The following CDH8 variants were observed in gnomAD, a reference collection of about 807,000 sequenced individuals.
The protein encoded by CDH8 is cadherin-8.
CDH8 carries 17 observed loss-of-function variants against 68.1 expected under a neutral mutation model. The ratio of observed to expected loss-of-function variants is 0.25; its 90% CI spans 0.17 to 0.37. The LOEUF (loss-of-function observed/expected upper bound fraction) is 0.37. CDH8 is among the 10% of genes least tolerant of loss of function. The pLI is 1.00. For missense variants in CDH8, 763 were observed against 999.3 expected (o/e 0.76, Z 3.19); for synonymous variants, 372 against 365.1 (o/e 1.02, Z -0.21).
chr16:61,712,258 A>G (rs1394646532), intron 10 of CDH8, among the ~76,000 whole-genome samples: 1 of 151,700 alleles, frequency 6.6e-6, no homozygotes, highest in Non-Finnish European at 1.5e-5. Context: ...CATAATAAAT[A>G]CGTGTCAAAA....
chr16:62,034,213 A>ACACACACG (rs1567577245), intron 1 of CDH8, among the ~76,000 whole-genome samples: 1 of 151,584 alleles, frequency 6.6e-6, no homozygotes, highest in African/African-American at 2.4e-5. Flanking sequence ...ACACACACAC[A>ACACACACG]CACACGCACA....
intron 3 of CDH8, among the ~76,000 whole-genome samples, chr16:61,898,124 A>G (rs546411435): frequency 5.6e-4 from 85 of 152,200 alleles, no homozygotes; most frequent in South Asian, 4.4e-3. Flanking sequence ...ACGTGGTAAA[A>G]CCACGTCTCT....
chr16:61,682,073 T>C (rs531634488), intron 10 of CDH8, among the ~76,000 whole-genome samples: 4 of 152,044 alleles, frequency 2.6e-5, no homozygotes, highest in Admixed American at 2.6e-4. Flanking sequence ...GATCCTGCTG[T>C]TCAACTTACT....
rs1567546764 is a variant in CDH8 at position 61,960,378 on chromosome 16, T to TATATAC, written c.253-58906_253-58905insGTATAT. Among the ~76,000 whole-genome samples the TATATAC allele has an allele frequency of 1.3e-4, 9 of 68,988 alleles. 4 individuals are homozygous for TATATAC. Among genetic ancestry groups the TATATAC allele is most frequent in the African/African-American group, 7.5e-4 (9 of 11,924 alleles). The allele number at this position is 68,988 out of a possible 152,430, so 45.3% of individuals were successfully genotyped here. Reference sequence around the variant, plus strand: ...GTGTGTATACACATACATATATACATGTGTGTGTGTATACACATACATATA... The same window carrying TATATAC: ...GTGTGTATACACATACATATATACATATATACGTGTGTGTGTATACACATACATATA... On this transcript the variant is annotated intron_variant, in intron 2 of 11. Transcript: ENST00000577390.
chr16:61,742,242 ATAGTT>A (rs1201794792), intron 8 of CDH8, among the ~76,000 whole-genome samples: 2 of 152,092 alleles, frequency 1.3e-5, no homozygotes, highest in Non-Finnish European at 2.9e-5. Context: ...ACTATTTATA[ATAGTT>A]TATAGATTAT....
rs138736581 is a variant in CDH8 at position 61,961,441 on chromosome 16, C to G, written c.252+59711G>C. ...TGGCTGATGAGTTCTACCTGCTTCT[C>G]TCTTTCCTTGTCCTCTCTCTTTTCT... On this transcript the variant is annotated intron_variant, in intron 2 of 11. Coordinates refer to ENST00000577390, the MANE Select transcript of CDH8 (RefSeq NM_001796.5). Among the ~76,000 whole-genome samples, 41 of 152,240 alleles carry G rather than the reference C, an allele frequency of 2.7e-4. No homozygotes were observed. In the East Asian group the frequency reaches 7.7e-3, roughly 29 times the overall value.
At chr16:61,911,748 A>G (rs1367984573) in intron 2 of CDH8, among the ~76,000 whole-genome samples, 1 of 152,140 alleles carries the variant, frequency 6.6e-6, no homozygotes, top group African/African-American at 2.4e-5. Flanking sequence ...GTTTTCAACA[A>G]ATAAACACCC....
At chr16:61,984,275 AT>A (rs982336125) in intron 2 of CDH8, among the ~76,000 whole-genome samples, 18 of 152,164 alleles carry the variant, frequency 1.2e-4, no homozygotes, top group African/African-American at 4.3e-4. Context: ...ATTAAACCTA[AT>A]TAATTCCCCA....
intron 10 of CDH8, among the ~76,000 whole-genome samples, chr16:61,694,374 G>A (rs72796872): frequency 0.2 from 30,232 of 152,130 alleles, 3,536 homozygotes; most frequent in African/African-American, 0.33. Context: ...TATAATTTTA[G>A]ATGAATTTAT....
intron 2 of CDH8, among the ~76,000 whole-genome samples, chr16:62,013,179 C>T (rs1254576043): frequency 2.1e-5 from 1 of 47,804 alleles, no homozygotes; most frequent in Non-Finnish European, 4.3e-5. Flanking sequence ...GGCGTGAACC[C>T]GGGAAGCGGA....
intron 3 of CDH8, among the ~76,000 whole-genome samples, chr16:61,895,480 C>T (rs1288788957): frequency 1.3e-5 from 2 of 152,148 alleles, no homozygotes; most frequent in Non-Finnish European, 2.9e-5. Context: ...AACACAGCCT[C>T]TGGCATATAG....
intron 8 of CDH8, among the ~76,000 whole-genome samples, chr16:61,730,067 T>C (rs8060241): frequency 0.16 from 24,867 of 151,294 alleles, 2,478 homozygotes; most frequent in African/African-American, 0.28. Flanking sequence ...TCCCACTCTT[T>C]TGGTTAAAAA....
chr16:61,704,349 ATTGAG>A (rs1188513152), intron 10 of CDH8, among the ~76,000 whole-genome samples: 1 of 152,192 alleles, frequency 6.6e-6, no homozygotes. Context: ...TCATATGTTT[ATTGAG>A]TTATTTTATT....
chr16:61,960,047 G>GTATA (rs1965079713), intron 2 of CDH8, among the ~76,000 whole-genome samples: 2 of 45,310 alleles, frequency 4.4e-5, no homozygotes, highest in African/African-American at 2.8e-4. Flanking sequence ...CAACATATAT[G>GTATA]TATGTATGTG....
At chr16:62,016,946 CAAAG>C (rs1331452199) in intron 2 of CDH8, among the ~76,000 whole-genome samples, 1 of 152,116 alleles carries the variant, frequency 6.6e-6, no homozygotes, top group Non-Finnish European at 1.5e-5. Flanking sequence ...CCCACTACCT[CAAAG>C]AAAGACTTTC....
intron 8 of CDH8, among the ~76,000 whole-genome samples, chr16:61,768,437 T>TCTCC (rs1567461487): frequency 7.1e-6 from 1 of 141,776 alleles, no homozygotes; most frequent in Non-Finnish European, 1.5e-5. Context: ...TCCCTCTCCC[T>TCTCC]CTCTCTCTCG....
At chr16:61,907,670 C>A (rs117827180) in intron 2 of CDH8, among the ~76,000 whole-genome samples, 2,513 of 150,170 alleles carry the variant, frequency 0.017, 29 homozygotes, top group Non-Finnish European at 0.03. Flanking sequence ...CAGAGTGAGA[C>A]CCTGTTGCAA....
intron 10 of CDH8, among the ~76,000 whole-genome samples, chr16:61,704,502 A>G (rs1055569383): frequency 1.1e-4 from 16 of 152,220 alleles, no homozygotes; most frequent in East Asian, 3.8e-4. Context: ...TTTATACAGT[A>G]ATTTCTATGG....
intron 10 of CDH8, among the ~76,000 whole-genome samples, chr16:61,680,112 C>T (rs11644211): frequency 0.12 from 18,953 of 151,860 alleles, 1,263 homozygotes; most frequent in African/African-American, 0.16. Context: ...ATCCCTGCGT[C>T]ATTCTTGCCA....
Sources: gnomAD v4.1 joint callset for allele counts (sites outside exome capture counted in the v4.1 genomes callset) on GRCh38, gnomAD v4.1.1 for gene constraint, MANE v1.5 for transcripts, NCBI Gene and HGNC (gene_info 2026-07-23, HGNC 2026-07-21) for gene names.